GALNT18: variants seen among roughly 807,000 people sequenced by gnomAD.
GALNT18 encodes polypeptide N-acetylgalactosaminyltransferase 18.
Under a neutral mutation model 69.5 loss-of-function variants are expected in GALNT18, and 44 were observed. That is an observed-to-expected ratio of 0.63 (90% CI 0.50 to 0.81). The LOEUF is 0.81. Ranked by LOEUF, GALNT18 falls within the 40% of genes least tolerant of loss-of-function variation. The pLI, the probability that GALNT18 is intolerant of heterozygous loss-of-function variation, is 0.00. For missense variants in GALNT18, 715 were observed against 810.0 expected, an observed-to-expected ratio of 0.88 and a Z score of 1.42; for synonymous variants, 364 against 318.2, an observed-to-expected ratio of 1.14 and a Z score of -1.53.
In GALNT18 at chr11:11,621,658, C is replaced by A; in HGVS notation, c.-65G>T. ...TCCTTGTCGTGCGCCCCGAACTCCCCCGCGCTCGCACCCCGTAGCACGTCC... is the reference window on the plus strand; with the variant it reads ...TCCTTGTCGTGCGCCCCGAACTCCCACGCGCTCGCACCCCGTAGCACGTCC... On this transcript the variant is annotated 5_prime_UTR_variant, in exon 1 of 11. Transcript: ENST00000227756. The surrounding 1 kb of genome is among the most constrained non-coding windows in gnomAD (Gnocchi z 9.3). 7.9e-7 allele frequency: 1 copy of A among 1,258,680 alleles called. No homozygotes were observed. The highest frequency in any genetic ancestry group is 1.1e-6 in the Non-Finnish European group (1 of 892,242). The allele number at this position is 1,258,680 out of a possible 1,614,324, so 78.0% of individuals were successfully genotyped here. A position where few individuals can be genotyped will look rare whatever the true frequency, so the allele number is the denominator to read the frequency against.
intron 3 of GALNT18, among the ~76,000 whole-genome samples, chr11:11,426,833 G>A (rs1039746378): frequency 2.0e-5 from 3 of 152,222 alleles, no homozygotes; most frequent in African/African-American, 7.2e-5. Flanking sequence ...TGCAGATATG[G>A]AGCAGGGTAG....
rs545221838 is a variant in GALNT18, at chr11:11,401,184, G to A, written c.596-21920C>T. ...TTCCGTCAGGAAAAAGGATGCTTCT[G>A]GATCCTTTGCAAACCCAGAAGAGAA... On this transcript the variant is annotated intron_variant, in intron 3 of 10. Coordinates refer to ENST00000227756, the MANE Select transcript of GALNT18 (RefSeq NM_198516.3). Among the ~76,000 whole-genome samples, 4 of 152,228 alleles carry A rather than the reference G, an allele frequency of 2.6e-5. No homozygotes were observed. The East Asian group carries it at 7.7e-4, about 29-fold the overall frequency.
In GALNT18 at chr11:11,377,339, G is replaced by T; in HGVS notation, c.820C>A (p.Arg274=). The change falls in exon 5 of 11, where the codon CGG becomes AGG. Residue 274 remains arginine, a synonymous_variant. Transcript: ENST00000227756. The surrounding 1 kb of genome is among the most constrained non-coding windows in gnomAD (Gnocchi z 4.6). The part of the protein sequence containing the change: ...VLTRIKENRK[R]IISPSFDNIK... Reference sequence around the variant, plus strand: ...TTATCAAAGGATGGCGAGATGATCCGCTTCCGGTTCTCCTTGATGCGGGTG... The same window carrying T: ...TTATCAAAGGATGGCGAGATGATCCTCTTCCGGTTCTCCTTGATGCGGGTG... 1 of 1,613,988 alleles carries T rather than the reference G, an allele frequency of 6.2e-7. No homozygotes were observed. The highest frequency in any genetic ancestry group is 1.1e-5 in the South Asian group (1 of 91,064).
intron 3 of GALNT18, among the ~76,000 whole-genome samples, chr11:11,427,360 G>A (rs1015878678): frequency 6.6e-6 from 1 of 152,188 alleles, no homozygotes; most frequent in Non-Finnish European, 1.5e-5. Context: ...TCCTGTGTTT[G>A]AGGAAGCACA....
chr11:11,369,695 T>C (rs1589944870), intron 6 of GALNT18, among the ~76,000 whole-genome samples: 2 of 152,300 alleles, frequency 1.3e-5, no homozygotes, highest in South Asian at 2.1e-4. Context: ...CAGTTATCAT[T>C]TATATAATCT....
rs1162475393 is a variant in GALNT18 at position 11,480,934 on chromosome 11, G to A, written c.236-31998C>T. 6.6e-6 allele frequency among the ~76,000 whole-genome samples: 1 copy of A among 152,134 alleles called. No individual in the cohort carries two copies. Among genetic ancestry groups the A allele is most frequent in the East Asian group, 1.9e-4 (1 of 5,194 alleles). On this transcript the variant is annotated intron_variant, in intron 1 of 10. Transcript: ENST00000227756. This position sits in a 1 kb window ranked among gnomAD's most constrained non-coding sequence, Gnocchi z 4.6. ...GAGTGAAATGTACCTACAGCCCTGG[G>A]CAACCTCATGTGACTGGGGAGCCCT...
chr11:11,490,200 T>TTCTCTC (rs71037025), intron 1 of GALNT18, among the ~76,000 whole-genome samples: 1 of 130,694 alleles, frequency 7.7e-6, no homozygotes, highest in Non-Finnish European at 1.6e-5. Flanking sequence ...CCTTCACTCA[T>TTCTCTC]TCTCTCTCTC....
Position 11,621,764 on chromosome 11 carries a change from G to C in GALNT18, c.-171C>G. ...CTGCCGGTGTAGCCGCCGTGCCCAA[G>C]TTTGCAGCTCCTGCCGCTGGCCACC... On this transcript the variant is annotated 5_prime_UTR_variant, in exon 1 of 11. Coordinates refer to ENST00000227756, the MANE Select transcript of GALNT18 (RefSeq NM_198516.3). This position sits in a 1 kb window ranked among gnomAD's most constrained non-coding sequence, Gnocchi z 9.3. 1 of 603,856 alleles carries C rather than the reference G, an allele frequency of 1.7e-6. No homozygotes were observed. Among genetic ancestry groups the C allele is most frequent in the Non-Finnish European group, 2.9e-6 (1 of 341,186 alleles). 37.4% of individuals were successfully genotyped at this position (603,856 alleles called of 1,614,324 possible).
At chr11:11,381,765 C>A (rs1378698749) in intron 3 of GALNT18, among the ~76,000 whole-genome samples, 1 of 152,150 alleles carries the variant, frequency 6.6e-6, no homozygotes, top group African/African-American at 2.4e-5. Flanking sequence ...CAGCCCCAGT[C>A]GGGCCACCAG....
intron 9 of GALNT18, among the ~76,000 whole-genome samples, chr11:11,317,803 C>T (rs1174772461): frequency 6.6e-6 from 1 of 152,056 alleles, no homozygotes; most frequent in Non-Finnish European, 1.5e-5. Flanking sequence ...TGAAACTTTC[C>T]AAAATATGAG....
At chr11:11,284,414 A>C (rs1849149265) in intron 10 of GALNT18, among the ~76,000 whole-genome samples, 1 of 152,066 alleles carries the variant, frequency 6.6e-6, no homozygotes. Context: ...GTGCCTTTTA[A>C]AGTTCCCAGG....
intron 1 of GALNT18, among the ~76,000 whole-genome samples, chr11:11,509,517 C>A (rs543876485): frequency 2.6e-4 from 40 of 152,338 alleles, no homozygotes; most frequent in African/African-American, 8.9e-4. Flanking sequence ...TCTCCCCTAG[C>A]CCCAGGCCTA....
chr11:11,503,732 C>T (rs138639446), intron 1 of GALNT18, among the ~76,000 whole-genome samples: 3 of 152,218 alleles, frequency 2.0e-5, no homozygotes, highest in Non-Finnish European at 4.4e-5. Flanking sequence ...CTTCTGTGAC[C>T]GTTCCAACTG....
chr11:11,294,524 G>A (rs76042636), intron 9 of GALNT18, among the ~76,000 whole-genome samples: 3,951 of 151,720 alleles, frequency 0.026, 197 homozygotes, highest in African/African-American at 0.091. Flanking sequence ...CAGCAGCCAG[G>A]CCAGCTCTGC....
chr11:11,413,918 G>T lies in GALNT18; in HGVS notation c.595+18703C>A, dbSNP rs147807164. ...CTGTTTCACAGGCAGGTCACATTTGGCACATTCAGGACTTCACACTGGATC... is the reference window on the plus strand; with the variant it reads ...CTGTTTCACAGGCAGGTCACATTTGTCACATTCAGGACTTCACACTGGATC... On this transcript the variant is annotated intron_variant, in intron 3 of 10. Transcript: ENST00000227756. The surrounding 1 kb of genome is among the most constrained non-coding windows in gnomAD (Gnocchi z 4.7). 2.0e-5 allele frequency among the ~76,000 whole-genome samples: 3 copies of T among 152,252 alleles called. No homozygotes were observed. The highest frequency in any genetic ancestry group is 3.9e-4 in the East Asian group (2 of 5,172).
rs1857833994 is a variant in GALNT18, at chr11:11,538,422, G to T, written c.235+82937C>A. On this transcript the variant is annotated intron_variant, in intron 1 of 10. Coordinates refer to ENST00000227756, the MANE Select transcript of GALNT18 (RefSeq NM_198516.3). This position sits in a 1 kb window ranked among gnomAD's most constrained non-coding sequence, Gnocchi z 5.2. Reference sequence around the variant, plus strand: ...ACCCGGGGTGTCTGTCCCCAGACGTGGACACCAGCCAACATGCTGGGCTGA... The same window carrying T: ...ACCCGGGGTGTCTGTCCCCAGACGTTGACACCAGCCAACATGCTGGGCTGA... Among the ~76,000 whole-genome samples, 1 of 152,206 alleles carries T rather than the reference G, an allele frequency of 6.6e-6. No individual in the cohort carries two copies. The highest frequency in any genetic ancestry group is 2.4e-5 in the African/African-American group (1 of 41,450).
chr11:11,460,673 C>T (rs201266596), intron 1 of GALNT18, among the ~76,000 whole-genome samples: 2 of 119,842 alleles, frequency 1.7e-5, no homozygotes, highest in Admixed American at 8.4e-5. Context: ...TCCTGCCTCC[C>T]TGTTTCTTCC....
At position 11,505,458 on chromosome 11, in the gene GALNT18, C is replaced by T. The variant is rs1023027873; in HGVS notation, c.236-56522G>A. Among the ~76,000 whole-genome samples the T allele has an allele frequency of 2.0e-5, 3 of 152,158 alleles. No individual in the cohort carries two copies. Among genetic ancestry groups the T allele is most frequent in the Admixed American group, 2.0e-4 (3 of 15,288 alleles). ...TCCAAGTAATCAATCACAGCACTCTCTCCAGTGTCACCCAGAAACAACCTG... is the reference window on the plus strand; with the variant it reads ...TCCAAGTAATCAATCACAGCACTCTTTCCAGTGTCACCCAGAAACAACCTG... On this transcript the variant is annotated intron_variant, in intron 1 of 10. Coordinates refer to ENST00000227756, the MANE Select transcript of GALNT18 (RefSeq NM_198516.3). This position sits in a 1 kb window ranked among gnomAD's most constrained non-coding sequence, Gnocchi z 4.6.
intron 1 of GALNT18, among the ~76,000 whole-genome samples, chr11:11,547,312 G>A (rs190149850): frequency 2.6e-5 from 4 of 152,330 alleles, no homozygotes; most frequent in African/African-American, 9.6e-5. Flanking sequence ...GGCAGCCACA[G>A]AGGAGCTCCT....
Sources: gnomAD v4.1 joint callset for allele counts (sites outside exome capture counted in the v4.1 genomes callset) on GRCh38, gnomAD v4.1.1 for gene constraint, Gnocchi (gnomAD v3.1) non-coding constraint, MANE v1.5 for transcripts, NCBI Gene and HGNC (gene_info 2026-07-23, HGNC 2026-07-21) for gene names.